The following NALCN variants were observed in gnomAD, a reference collection of about 807,000 sequenced individuals.
NALCN encodes sodium leak channel, non-selective.
In NALCN, 111 loss-of-function variants were observed where a neutral mutation model predicts 225.3. The ratio of observed to expected loss-of-function variants is 0.49; its 90% CI spans 0.42 to 0.58. NALCN has a LOEUF of 0.58. Among genes scored for constraint, NALCN ranks in the 20% least tolerant of loss-of-function variants. The pLI is 0.00. For missense variants in NALCN, 1,378 were observed against 2,202.4 expected, an observed-to-expected ratio of 0.63 and a Z score of 7.49; for synonymous variants, 764 against 769.0, an observed-to-expected ratio of 0.99 and a Z score of 0.11.
At chr13:101,160,858 C>T (rs1271288094) in intron 15 of NALCN, among the ~76,000 whole-genome samples, 3 of 152,056 alleles carry the variant, frequency 2.0e-5, no homozygotes, top group Non-Finnish European at 4.4e-5. Flanking sequence ...GCTGGATCGA[C>T]CAAATCTGTT....
intron 17 of NALCN, among the ~76,000 whole-genome samples, chr13:101,140,974 G>A (rs2037050347): frequency 6.6e-6 from 1 of 152,078 alleles, no homozygotes; most frequent in African/African-American, 2.4e-5. Flanking sequence ...AAGCCTCTAA[G>A]GACAGCTAAG....
At chr13:101,245,114 C>T (rs79306161) in intron 11 of NALCN, among the ~76,000 whole-genome samples, 1,675 of 152,262 alleles carry the variant, frequency 0.011, 23 homozygotes, top group African/African-American at 0.03. Flanking sequence ...ATTTGTCACT[C>T]TTAGCCTGGC....
intron 17 of NALCN, among the ~76,000 whole-genome samples, chr13:101,139,872 T>A (rs77490349): frequency 5.9e-4 from 90 of 152,320 alleles, no homozygotes; most frequent in African/African-American, 2.0e-3. Context: ...TCTCCGCAAT[T>A]TGTGCTTCCA....
At chr13:101,176,652 C>A (rs1309584313) in intron 14 of NALCN, among the ~76,000 whole-genome samples, 1 of 152,026 alleles carries the variant, frequency 6.6e-6, no homozygotes, top group Non-Finnish European at 1.5e-5. Flanking sequence ...CTCAACAATC[C>A]CACTTGTGTG....
chr13:101,132,535 C>A (rs1395618902), intron 17 of NALCN, among the ~76,000 whole-genome samples: 1 of 152,038 alleles, frequency 6.6e-6, no homozygotes, highest in Non-Finnish European at 1.5e-5. Context: ...ATCTGTATTT[C>A]TTGGCTCCTT....
chr13:101,377,895 A>G (rs2046739864), intron 4 of NALCN, among the ~76,000 whole-genome samples: 1 of 152,152 alleles, frequency 6.6e-6, no homozygotes. Context: ...TCATGTCTGA[A>G]TGAATGCACA....
chr13:101,088,747 G>T (rs2034059597), intron 30 of NALCN, among the ~76,000 whole-genome samples: 1 of 152,108 alleles, frequency 6.6e-6, no homozygotes. Context: ...CTAATAGAAT[G>T]TTCTTCCCCA....
At position 101,068,846 on chromosome 13, in the gene NALCN, G is replaced by C. The variant is rs1185848450; in HGVS notation, c.4198-19C>G. 1 of 1,593,884 alleles carries C rather than the reference G, an allele frequency of 6.3e-7. No homozygotes were observed. Reference sequence around the variant, plus strand: ...GCTGAACCTTTGGGGCATTGGGGTGGAAGAAGGAGAGGATAAGAGTAGAGA... The same window carrying C: ...GCTGAACCTTTGGGGCATTGGGGTGCAAGAAGGAGAGGATAAGAGTAGAGA... On this transcript the variant is annotated intron_variant, in intron 37 of 43. Transcript: ENST00000251127.
At chr13:101,338,465 G>T (rs907240168) in intron 7 of NALCN, among the ~76,000 whole-genome samples, 3 of 152,146 alleles carry the variant, frequency 2.0e-5, no homozygotes, top group Non-Finnish European at 4.4e-5. Flanking sequence ...TCATTAAGTT[G>T]TTTAGTCCAA....
chr13:101,267,640 G>C (rs1298998811), intron 10 of NALCN, among the ~76,000 whole-genome samples: 1 of 152,216 alleles, frequency 6.6e-6, no homozygotes, highest in Non-Finnish European at 1.5e-5. Flanking sequence ...CCTGTTGCAT[G>C]GTGGCCAGGT....
chr13:101,285,208 C>T (rs753758163), intron 9 of NALCN, among the ~76,000 whole-genome samples: 2 of 152,094 alleles, frequency 1.3e-5, no homozygotes, highest in Non-Finnish European at 2.9e-5. Flanking sequence ...GGTGGTAGAT[C>T]CTTTGTGGAA....
At chr13:101,282,577 G>A (rs1220578856) in intron 10 of NALCN, among the ~76,000 whole-genome samples, 3 of 152,132 alleles carry the variant, frequency 2.0e-5, no homozygotes, top group Non-Finnish European at 4.4e-5. Context: ...AATAAACAAA[G>A]TGATTCATTA....
intron 7 of NALCN, among the ~76,000 whole-genome samples, chr13:101,313,753 C>A (rs1191505283): frequency 6.6e-6 from 1 of 152,058 alleles, no homozygotes; most frequent in Admixed American, 6.5e-5. Flanking sequence ...GTTGGTGTGG[C>A]GATTCCTCAG....
intron 10 of NALCN, among the ~76,000 whole-genome samples, chr13:101,276,523 A>G (rs1594584621): frequency 6.6e-6 from 1 of 152,216 alleles, no homozygotes; most frequent in East Asian, 1.9e-4. Flanking sequence ...CATTTATTAT[A>G]AAAACAGAAA....
At chr13:101,310,058 C>T (rs539673650) in intron 7 of NALCN, among the ~76,000 whole-genome samples, 84 of 152,244 alleles carry the variant, frequency 5.5e-4, no homozygotes, top group African/African-American at 1.9e-3. Context: ...ACACTATATT[C>T]AGCATCTTCT....
At chr13:101,163,609 C>CCAGGGTGGCG (rs951596342) in intron 15 of NALCN, among the ~76,000 whole-genome samples, 6 of 152,162 alleles carry the variant, frequency 3.9e-5, no homozygotes, top group Admixed American at 6.5e-5. Flanking sequence ...GAAAGCTGCT[C>CCAGGGTGGCG]CAGGGTGGCG....
chr13:101,160,587 A>G (rs2038132142), intron 15 of NALCN, among the ~76,000 whole-genome samples: 1 of 152,130 alleles, frequency 6.6e-6, no homozygotes, highest in African/African-American at 2.4e-5. Flanking sequence ...CAATAGATAA[A>G]CATATTAAAT....
chr13:101,098,881 C>T (rs998292961), intron 27 of NALCN, among the ~76,000 whole-genome samples: 1 of 151,610 alleles, frequency 6.6e-6, no homozygotes, highest in African/African-American at 2.4e-5. Flanking sequence ...GGTGCTGGTG[C>T]TCTCTATGAT....
intron 17 of NALCN, among the ~76,000 whole-genome samples, chr13:101,134,773 G>A (rs1002271917): frequency 6.6e-6 from 1 of 152,110 alleles, no homozygotes; most frequent in African/African-American, 2.4e-5. Context: ...GTAGCCTGGG[G>A]TCACTTGGTC....
Sources: gnomAD v4.1 joint callset for allele counts (sites outside exome capture counted in the v4.1 genomes callset) on GRCh38, gnomAD v4.1.1 for gene constraint, MANE v1.5 for transcripts, NCBI Gene and HGNC (gene_info 2026-07-23, HGNC 2026-07-21) for gene names.